Variants in ZNF608 observed in about 807,000 individuals in gnomAD.
ZNF608 encodes the protein renal carcinoma antigen NY-REN-36.
In ZNF608, 12 loss-of-function variants were observed where a neutral mutation model predicts 109.0. The observed-to-expected ratio is 0.11, with a 90% CI of 0.07 to 0.18. The LOEUF (loss-of-function observed/expected upper bound fraction) is 0.18, where lower values mean the gene tolerates loss of function less well. ZNF608 is among the 10% of genes least tolerant of loss of function. The pLI, the probability that ZNF608 is intolerant of heterozygous loss-of-function variation, is 1.00. For missense variants in ZNF608, 1,707 were observed against 1,879.3 expected (o/e 0.91, Z 1.70); for synonymous variants, 732 against 717.4 (o/e 1.02, Z -0.33).
intron 2 of ZNF608, 89 bp from the exon 3 acceptor site, chr5:124,701,358 A>C: frequency 4.1e-6 from 6 of 1,469,164 alleles, no homozygotes; most frequent in Non-Finnish European, 5.6e-6. Context: ...AGAATATATC[A>C]CCATTCCAAA....
intron 2 of ZNF608, among the ~76,000 whole-genome samples, chr5:124,727,832 C>T (rs751782049): frequency 6.6e-6 from 1 of 150,994 alleles, no homozygotes; most frequent in African/African-American, 2.4e-5. Flanking sequence ...CTCCATCTCC[C>T]GGGTTAAAGC....
chr5:124,681,061 G>A (rs768993007), intron 3 of ZNF608, among the ~76,000 whole-genome samples: 34 of 152,302 alleles, frequency 2.2e-4, no homozygotes, highest in Middle Eastern at 3.4e-3. Flanking sequence ...CATGGAAATG[G>A]AAATTAATCC....
intron 3 of ZNF608, among the ~76,000 whole-genome samples, chr5:124,657,706 GATC>G (rs1751077367): frequency 6.6e-6 from 1 of 151,822 alleles, no homozygotes; most frequent in Non-Finnish European, 1.5e-5. Context: ...AACAAAAACA[GATC>G]ATTAGAGATC....
At chr5:124,676,431 C>A (rs1351737194) in intron 3 of ZNF608, among the ~76,000 whole-genome samples, 3 of 152,184 alleles carry the variant, frequency 2.0e-5, no homozygotes, top group Non-Finnish European at 4.4e-5. Flanking sequence ...CTTATCTAGA[C>A]CGCTATTAAG....
chr5:124,660,698 T>C (rs1580564843), intron 3 of ZNF608, among the ~76,000 whole-genome samples: 1 of 152,116 alleles, frequency 6.6e-6, no homozygotes, highest in African/African-American at 2.4e-5. Context: ...AAAATGGGAG[T>C]AATATGGATA....
chr5:124,725,313 A>G (rs1468966987), intron 2 of ZNF608, among the ~76,000 whole-genome samples: 2 of 152,044 alleles, frequency 1.3e-5, no homozygotes, highest in Non-Finnish European at 2.9e-5. Flanking sequence ...ATTTGAATAT[A>G]AGCTTCATGA....
chr5:124,690,714 C>A (rs1752583852), intron 3 of ZNF608, among the ~76,000 whole-genome samples: 2 of 151,736 alleles, frequency 1.3e-5, no homozygotes, highest in East Asian at 1.9e-4. Flanking sequence ...ACCTTATCCA[C>A]TGAATGATCT....
intron 2 of ZNF608, among the ~76,000 whole-genome samples, chr5:124,728,884 C>G (rs1580706143): frequency 1.3e-5 from 2 of 152,226 alleles, no homozygotes; most frequent in East Asian, 3.9e-4. Context: ...TTCCTAAACC[C>G]CATGACACAT....
chr5:124,653,749 T>G (rs1156408839), intron 3 of ZNF608, among the ~76,000 whole-genome samples: 1 of 152,076 alleles, frequency 6.6e-6, no homozygotes. Flanking sequence ...ATGTTGGGAA[T>G]CTGAATGAGA....
Position 124,744,606 on chromosome 5 carries a change from G to T in ZNF608, c.384C>A (p.Pro128=), listed in dbSNP as rs1749566732. 2 of 1,614,188 alleles carry T rather than the reference G, an allele frequency of 1.2e-6. No individual in the cohort carries two copies. Among genetic ancestry groups the T allele is most frequent in the Non-Finnish European group, 1.7e-6 (2 of 1,180,034 alleles). The change falls in exon 2 of 10, where the codon CCC becomes CCA. Residue 128 remains proline, a synonymous_variant. Coordinates refer to ENST00000513986, the MANE Select transcript of ZNF608 (RefSeq NM_020747.3). The surrounding 1 kb of genome is among the most constrained non-coding windows in gnomAD (Gnocchi z 4.5). ...GCCTCTTGCCAGTGCTGCTGATCTC[G>T]GGAATCCCATACAAGGCAGCAGAAG... ...SLPSAALYGI[P]EISSTGKRQE...
intron 3 of ZNF608, among the ~76,000 whole-genome samples, chr5:124,673,670 C>T (rs1458149039): frequency 2.0e-5 from 3 of 151,956 alleles, no homozygotes; most frequent in Admixed American, 1.3e-4. Flanking sequence ...ACAAACCAGA[C>T]AACAGCTCAA....
At position 124,701,216 on chromosome 5, in the gene ZNF608, G is replaced by T. The variant is rs1436252513; in HGVS notation, c.960C>A (p.Leu320=). The T allele has an allele frequency of 3.1e-6, 5 of 1,614,184 alleles. No homozygotes were observed. The South Asian group carries it at 5.5e-5, about 18-fold the overall frequency. Residue 320 remains leucine (L), a synonymous_variant, in exon 3 of 10, where the codon CTC becomes CTA. Transcript: ENST00000513986. The stretch of plus-strand genomic sequence containing the variant: ...AGTAGGAGGGTAGAATCTGAGGCGT[G>T]AGACTGCTGGAAATCGGCGGTGGTG... ...PAPPPPISSS[L]TPQILPSYFS... is the part of the protein sequence containing the mutation.
chr5:124,693,261 A>G (rs1004604715), intron 3 of ZNF608, among the ~76,000 whole-genome samples: 1 of 152,228 alleles, frequency 6.6e-6, no homozygotes, highest in South Asian at 2.1e-4. Context: ...TTTGCAGCCA[A>G]TGAGACCATC....
At chr5:124,693,142 G>C (rs1043125169) in intron 3 of ZNF608, among the ~76,000 whole-genome samples, 3 of 152,214 alleles carry the variant, frequency 2.0e-5, no homozygotes, top group African/African-American at 4.8e-5. Flanking sequence ...TAAGTGCGTA[G>C]ATTTTAAGTT....
chr5:124,732,819 A>G (rs1384133550), intron 2 of ZNF608, among the ~76,000 whole-genome samples: 1 of 151,940 alleles, frequency 6.6e-6, no homozygotes, highest in African/African-American at 2.4e-5. Context: ...CTCCACCACC[A>G]CCATTCCTCC....
chr5:124,710,175 T>C (rs981471584), intron 2 of ZNF608: 42 of 454,472 alleles, frequency 9.2e-5, no homozygotes, highest in African/African-American at 8.2e-4. Context: ...AAGTCTCTCA[T>C]CCTTATGCTT....
chr5:124,647,840 A>C lies in ZNF608; in HGVS notation c.2544T>G (p.Asp848Glu). 6.2e-7 allele frequency: 1 copy of C among 1,614,054 alleles called. No homozygotes were observed. The highest frequency in any genetic ancestry group is 8.5e-7 in the Non-Finnish European group (1 of 1,180,008). ...KLEDSKGASK[D>E]LPGHFLKDHL... ...GATCCTTTAAAAAATGCCCAGGTAA[A>C]TCTTTGCTGGCCCCCTTGGAGTCCT... Residue 848 changes from aspartate to glutamate, a missense_variant, in exon 5 of 10, where the codon GAT (aspartate) becomes GAG (glutamate). By Grantham distance (45) the Asp-to-Glu change is conservative. Around this residue, in one of 7 missense-constraint regions of ZNF608, gnomAD observed 1,073 missense variants for 1,133.5 expected, o/e 0.95. Coordinates refer to ENST00000513986, the MANE Select transcript of ZNF608 (RefSeq NM_020747.3).
At position 124,641,326 on chromosome 5, in the gene ZNF608, T is replaced by C. The variant is rs1296216337; in HGVS notation, c.4376A>G (p.His1459Arg). Residue 1459 changes from histidine (H) to arginine (R), a missense_variant, in exon 8 of 10, where the codon CAC becomes CGC. His to Arg is a conservative substitution (Grantham distance 29). This residue lies in a region of ZNF608 where 1,073 missense variants were observed against 1,133.5 expected (regional missense o/e 0.95). Coordinates refer to ENST00000513986, the MANE Select transcript of ZNF608 (RefSeq NM_020747.3). ...GTGGGTGTGGTGGTGCGTGTGCAGG[T>C]GCCGCTGGCCGAAGGGGGAGTGGCG... is the stretch of plus-strand genomic sequence containing the variant. ...RDRHSPFGQRHLHTHHHTHVG... is the reference protein window; with the variant it reads ...RDRHSPFGQRRLHTHHHTHVG... The C allele has an allele frequency of 1.2e-6, 2 of 1,613,970 alleles. No individual in the cohort carries two copies. The highest frequency in any genetic ancestry group is 1.7e-6 in the Non-Finnish European group (2 of 1,180,020).
At chr5:124,660,231 C>T (rs2149802372) in intron 3 of ZNF608, among the ~76,000 whole-genome samples, 1 of 152,186 alleles carries the variant, frequency 6.6e-6, no homozygotes, top group South Asian at 2.1e-4. Context: ...GTATATGGCA[C>T]ACAAAGGGGT....
Sources: gnomAD v4.1 joint callset for allele counts (sites outside exome capture counted in the v4.1 genomes callset) on GRCh38, gnomAD v4.1.1 for gene constraint, gnomAD v4.1.1 regional missense constraint, Gnocchi (gnomAD v3.1) non-coding constraint, MANE v1.5 for transcripts, NCBI Gene and HGNC (gene_info 2026-07-23, HGNC 2026-07-21) for gene names.